The following VPS13B variants were observed in gnomAD, a reference collection of about 807,000 sequenced individuals.
VPS13B encodes the protein vacuolar protein sorting 13 homolog B, also known as intermembrane lipid transfer protein VPS13B.
A neutral mutation model predicts 426.4 loss-of-function variants in VPS13B; 285 were observed. That is an observed-to-expected ratio of 0.67 (90% CI 0.61 to 0.74). VPS13B has a LOEUF of 0.74. Ranked by LOEUF, VPS13B falls within the 30% of genes least tolerant of loss-of-function variation. VPS13B has a pLI of 0.00. For missense variants in VPS13B, 4,537 were observed against 4,782.6 expected (o/e 0.95, Z 1.51); for synonymous variants, 1,676 against 1,676.4 (o/e 1.00, Z 0.01).
At chr8:99,266,857 A>C (rs1176874091) in intron 17 of VPS13B, among the ~76,000 whole-genome samples, 5 of 152,194 alleles carry the variant, frequency 3.3e-5, no homozygotes, top group African/African-American at 1.2e-4. Flanking sequence ...TAGAACTGTG[A>C]GTCAATCAAA....
At chr8:99,102,253 C>T (rs1274294839) in intron 4 of VPS13B, among the ~76,000 whole-genome samples, 1 of 152,078 alleles carries the variant, frequency 6.6e-6, no homozygotes, top group African/African-American at 2.4e-5. Flanking sequence ...TCTTATTCTA[C>T]TTTTATACAT....
chr8:99,721,177 G>A (rs1401596329), intron 39 of VPS13B, 130 bp downstream of exon 39: 1 of 942,368 alleles, frequency 1.1e-6, no homozygotes, highest in Non-Finnish European at 1.7e-6. Context: ...ATCTGTGTGT[G>A]TGGTGTGTGT....
chr8:99,051,247 T>C (rs1443645854), intron 3 of VPS13B, among the ~76,000 whole-genome samples: 3 of 152,258 alleles, frequency 2.0e-5, no homozygotes, highest in Non-Finnish European at 4.4e-5. Flanking sequence ...TTTCTACATA[T>C]GGCTAGCCAG....
chr8:99,525,396 A>T (rs1019080855), intron 30 of VPS13B, among the ~76,000 whole-genome samples: 2 of 152,180 alleles, frequency 1.3e-5, no homozygotes, highest in Non-Finnish European at 2.9e-5. Context: ...GAAAACTCCT[A>T]GGGCACATGG....
At chr8:99,543,357 C>G (rs1471178193) in intron 30 of VPS13B, among the ~76,000 whole-genome samples, 1 of 152,124 alleles carries the variant, frequency 6.6e-6, no homozygotes, top group Non-Finnish European at 1.5e-5. Flanking sequence ...ACCATAAAAA[C>G]CCTAGAAGAA....
intron 12 of VPS13B, among the ~76,000 whole-genome samples, chr8:99,137,303 T>A (rs1810121650): frequency 6.6e-6 from 1 of 152,086 alleles, no homozygotes; most frequent in South Asian, 2.1e-4. Context: ...TTCAGTCTTT[T>A]TTATGTTGAA....
chr8:99,279,407 G>A lies in VPS13B; in HGVS notation c.2824+4153G>A, dbSNP rs116663661. 1.0e-2 allele frequency among the ~76,000 whole-genome samples: 1,511 copies of A among 151,514 alleles called. 34 individuals are homozygous for A. Among genetic ancestry groups the A allele is most frequent in the African/African-American group, 0.035 (1,447 of 41,324 alleles). Reference sequence around the variant, plus strand: ...AATGATTCTCATGCCTTACAGAGGCGCACCACCACACCTGGCTAATTTTTG... The same window carrying A: ...AATGATTCTCATGCCTTACAGAGGCACACCACCACACCTGGCTAATTTTTG... On this transcript the variant is annotated intron_variant, in intron 19 of 61. Transcript: ENST00000357162.
At chr8:99,104,380 A>G (rs142655770) in intron 5 of VPS13B, among the ~76,000 whole-genome samples, 40 of 152,332 alleles carry the variant, frequency 2.6e-4, no homozygotes, top group African/African-American at 9.4e-4. Flanking sequence ...TTGTAGCAAT[A>G]AAAGTTAAAT....
intron 31 of VPS13B, among the ~76,000 whole-genome samples, chr8:99,568,322 G>T (rs191819638): frequency 6.8e-6 from 1 of 147,074 alleles, no homozygotes; most frequent in African/African-American, 2.5e-5. Flanking sequence ...ACGGAGTCTT[G>T]CTCTGTCACC....
At position 99,147,882 on chromosome 8, in the gene VPS13B, G is replaced by A. The variant is rs1439794949; in HGVS notation, c.1885G>A (p.Val629Met). The stretch of plus-strand genomic sequence containing the variant: ...TGAAACAATACTGAATCCTGAAGAG[G>A]TGGCTCTTCTGGAGGAATATATTCC... Reference protein sequence around the residue: ...ENETILNPEEVALLEEYIPTR... With the variant: ...ENETILNPEEMALLEEYIPTR... The change falls in exon 14 of 62, where the codon GTG (valine) becomes ATG (methionine). Residue 629 changes from valine (V) to methionine (M), a missense_variant. Coordinates refer to ENST00000357162, the MANE Select transcript of VPS13B (RefSeq NM_152564.5). The A allele has an allele frequency of 6.2e-7, 1 of 1,607,180 alleles. No individual in the cohort carries two copies. The highest frequency in any genetic ancestry group is 1.1e-5 in the South Asian group (1 of 88,484).
intron 21 of VPS13B, among the ~76,000 whole-genome samples, chr8:99,405,231 C>G (rs1462868393): frequency 2.0e-5 from 3 of 151,988 alleles, no homozygotes; most frequent in African/African-American, 7.3e-5. Flanking sequence ...CACATCTCTA[C>G]TTAGGTATTA....
At chr8:99,408,242 A>G (rs536026215) in intron 21 of VPS13B, among the ~76,000 whole-genome samples, 1 of 152,168 alleles carries the variant, frequency 6.6e-6, no homozygotes, top group Non-Finnish European at 1.5e-5. Context: ...TTGATGCTGT[A>G]TTGAGAATGC....
chr8:99,835,726 T>C lies in VPS13B; in HGVS notation c.9930T>C (p.Ser3310=). Residue 3310 remains serine, a synonymous_variant, in exon 54 of 62, where the codon AGT becomes AGC. Transcript: ENST00000357162. ...TEWSDAIDIN[S]QGTQVVFLTG... ...GGAGTGATGCCATTGACATCAACAG[T>C]CAGGGAACACAGGTCAGTGAGCCAT... 1 of 1,614,124 alleles carries C rather than the reference T, an allele frequency of 6.2e-7. No homozygotes were observed. Among genetic ancestry groups the C allele is most frequent in the Non-Finnish European group, 8.5e-7 (1 of 1,179,998 alleles).
intron 19 of VPS13B, among the ~76,000 whole-genome samples, chr8:99,365,868 T>C (rs1240201981): frequency 1.3e-5 from 2 of 152,104 alleles, no homozygotes; most frequent in Non-Finnish European, 2.9e-5. Flanking sequence ...CAGGGACATA[T>C]TGTTTAATTT....
At chr8:99,570,561 C>G (rs539225326) in intron 31 of VPS13B, among the ~76,000 whole-genome samples, 1 of 151,006 alleles carries the variant, frequency 6.6e-6, no homozygotes, top group Admixed American at 6.6e-5. Flanking sequence ...TAGTGCCTTG[C>G]TTTTTTTCTT....
At chr8:99,099,583 A>G (rs1005269809) in intron 4 of VPS13B, among the ~76,000 whole-genome samples, 1 of 152,234 alleles carries the variant, frequency 6.6e-6, no homozygotes, top group Non-Finnish European at 1.5e-5. Flanking sequence ...ATAAGCATAC[A>G]TATACATAAA....
rs5893498 is a variant in VPS13B at position 99,788,383 on chromosome 8, TAAAAAA to T, written c.7941+3922_7941+3927del. ...TGGGCAATATAATGAGACCCCATCTTAAAAAAAAAAAAAAAAAAAAGCAAAATGTAA... is the reference window on the plus strand; with the variant it reads ...TGGGCAATATAATGAGACCCCATCTTAAAAAAAAAAAAAAGCAAAATGTAA... On this transcript the variant is annotated intron_variant, in intron 43 of 61. Transcript: ENST00000357162. Among the ~76,000 whole-genome samples, 13 of 102,922 alleles carry T rather than the reference TAAAAAA, an allele frequency of 1.3e-4. No homozygotes were observed. In the East Asian group the frequency reaches 2.9e-3, roughly 23 times the overall value. The allele number at this position is 102,922 out of a possible 152,430, so 67.5% of individuals were successfully genotyped here.
intron 3 of VPS13B, among the ~76,000 whole-genome samples, chr8:99,084,970 C>G (rs184166375): frequency 6.6e-6 from 1 of 151,296 alleles, no homozygotes; most frequent in African/African-American, 2.4e-5. Context: ...TCTATTAGGT[C>G]TGCTTGGTGC....
intron 35 of VPS13B, among the ~76,000 whole-genome samples, chr8:99,675,533 T>C (rs1341169351): frequency 1.3e-5 from 2 of 152,178 alleles, no homozygotes; most frequent in Non-Finnish European, 2.9e-5. Context: ...TATTTACATA[T>C]GCTTTCTACC....
Sources: allele counts gnomAD v4.1 joint callset (sites outside exome capture counted in the v4.1 genomes callset), GRCh38; gene constraint gnomAD v4.1.1; transcripts MANE v1.5; gene names NCBI Gene and HGNC (gene_info 2026-07-23, HGNC 2026-07-21).